Variants in OPCML observed in about 807,000 individuals in gnomAD.
OPCML encodes the protein opioid binding protein/cell adhesion molecule like.
A neutral mutation model predicts 37.8 loss-of-function variants in OPCML; 13 were observed. The observed-to-expected ratio is 0.34, with a 90% CI of 0.22 to 0.55. The LOEUF is 0.55. Among genes scored for constraint, OPCML ranks in the 20% least tolerant of loss-of-function variants. The pLI is 0.91. For synonymous variants in OPCML, 176 were observed against 168.8 expected (o/e 1.04, Z -0.33); for missense variants, 341 against 435.6 (o/e 0.78, Z 1.93).
chr11:132,917,232 C>A (rs1048691764), intron 2 of OPCML, among the ~76,000 whole-genome samples: 1 of 152,210 alleles, frequency 6.6e-6, no homozygotes, highest in Non-Finnish European at 1.5e-5. Context: ...TATAACTTGC[C>A]TGCTCACCCT....
intron 2 of OPCML, among the ~76,000 whole-genome samples, chr11:132,907,449 G>A (rs1040524951): frequency 6.6e-6 from 1 of 152,046 alleles, no homozygotes; most frequent in African/African-American, 2.4e-5. Flanking sequence ...TGGCCAACAT[G>A]GTGAAACCCC....
Position 132,732,597 on chromosome 11 carries a change from G to A in OPCML, c.147-75278C>T, listed in dbSNP as rs537873547. ...ATGAATTCTCAGGGAGGATGAAAGA[G>A]AACAGTGAGGAAAAAAGCTGGCACC... On this transcript the variant is annotated intron_variant, in intron 2 of 7. Coordinates refer to ENST00000524381, the MANE Select transcript of OPCML (RefSeq NM_001012393.5). Among the ~76,000 whole-genome samples, 7 of 152,264 alleles carry A rather than the reference G, an allele frequency of 4.6e-5. No individual in the cohort carries two copies. The South Asian group carries it at 1.0e-3, about 23-fold the overall frequency.
chr11:133,114,866 G>T (rs112433048), intron 1 of OPCML, among the ~76,000 whole-genome samples: 3 of 152,074 alleles, frequency 2.0e-5, no homozygotes, highest in African/African-American at 7.2e-5. Context: ...AAGAGATACC[G>T]AGAAAGAATA....
chr11:132,567,037 T>C (rs2096425104), intron 3 of OPCML, among the ~76,000 whole-genome samples: 1 of 150,864 alleles, frequency 6.6e-6, no homozygotes, highest in Admixed American at 6.6e-5. Context: ...ACTTTTAAAA[T>C]AAGGATATAG....
chr11:133,228,921 C>A (rs1940157295), intron 1 of OPCML, among the ~76,000 whole-genome samples: 1 of 152,198 alleles, frequency 6.6e-6, no homozygotes, highest in Non-Finnish European at 1.5e-5. Flanking sequence ...TTGTGGCAGA[C>A]TTTTTATGTG....
intron 1 of OPCML, among the ~76,000 whole-genome samples, chr11:133,304,899 C>A (rs950234202): frequency 6.6e-6 from 1 of 152,084 alleles, no homozygotes; most frequent in African/African-American, 2.4e-5. Flanking sequence ...AATTCATTCA[C>A]AACAATTTGC....
At chr11:133,181,276 G>A (rs1937817710) in intron 1 of OPCML, among the ~76,000 whole-genome samples, 1 of 147,366 alleles carries the variant, frequency 6.8e-6, no homozygotes, top group African/African-American at 2.5e-5. Context: ...GGAAAACCGG[G>A]CGAACCTGAT....
chr11:132,477,065 G>T (rs1030420085), intron 4 of OPCML, among the ~76,000 whole-genome samples: 7 of 152,038 alleles, frequency 4.6e-5, no homozygotes, highest in African/African-American at 1.7e-4. Flanking sequence ...TTAAACACTG[G>T]CAATAATACA....
At chr11:133,361,758 G>C (rs1029288819) in intron 1 of OPCML, 5 of 153,852 alleles carry the variant, frequency 3.2e-5, no homozygotes, top group Non-Finnish European at 5.8e-5. Context: ...CCGCTCCCAA[G>C]GGCTGGCAGT....
At position 133,208,498 on chromosome 11, in the gene OPCML, T is replaced by C. The variant is rs1466048122; in HGVS notation, c.62-265488A>G. ...TTTTTGCATGAATAGATTTGGATAA[T>C]AAAGTGCAATGAAGTATGTCAGTAG... On this transcript the variant is annotated intron_variant, in intron 1 of 7. Transcript: ENST00000524381. This position sits in a 1 kb window ranked among gnomAD's most constrained non-coding sequence, Gnocchi z 8.9. 6.6e-6 allele frequency among the ~76,000 whole-genome samples: 1 copy of C among 152,214 alleles called. No homozygotes were observed. Among genetic ancestry groups the C allele is most frequent in the African/African-American group, 2.4e-5 (1 of 41,456 alleles).
At chr11:133,057,450 G>A (rs12576515) in intron 1 of OPCML, among the ~76,000 whole-genome samples, 12 of 151,858 alleles carry the variant, frequency 7.9e-5, no homozygotes, top group African/African-American at 2.9e-4. Context: ...GTGCCTTGGA[G>A]ACTCTGCTGT....
chr11:132,427,082 C>T (rs1314153274), intron 7 of OPCML, among the ~76,000 whole-genome samples: 1 of 152,032 alleles, frequency 6.6e-6, no homozygotes, highest in Non-Finnish European at 1.5e-5. Context: ...CATCGATCTC[C>T]AGCAACCATA....
intron 1 of OPCML, among the ~76,000 whole-genome samples, chr11:133,296,225 T>G (rs1942625155): frequency 6.6e-6 from 1 of 152,164 alleles, no homozygotes. Context: ...ACGTTTTCAT[T>G]GATTTGGCAG....
intron 1 of OPCML, among the ~76,000 whole-genome samples, chr11:133,032,151 A>C (rs1306973194): frequency 6.6e-6 from 1 of 152,098 alleles, no homozygotes; most frequent in Non-Finnish European, 1.5e-5. Context: ...TTCCACATTC[A>C]CTGGGATCTG....
chr11:132,899,355 T>C (rs1358287529), intron 2 of OPCML, among the ~76,000 whole-genome samples: 1 of 152,152 alleles, frequency 6.6e-6, no homozygotes, highest in African/African-American at 2.4e-5. Context: ...TCATCTCTTA[T>C]CCCTTTATTA....
intron 1 of OPCML, among the ~76,000 whole-genome samples, chr11:133,318,277 T>C (rs1354136719): frequency 4.6e-5 from 7 of 152,220 alleles, no homozygotes; most frequent in African/African-American, 1.7e-4. Flanking sequence ...GTGCACTTCC[T>C]TGTAAAACAC....
At chr11:132,647,581 AG>A (rs576822671) in intron 3 of OPCML, among the ~76,000 whole-genome samples, 601 of 152,336 alleles carry the variant, frequency 3.9e-3, no homozygotes, top group African/African-American at 0.014. Context: ...AATGAGACTA[AG>A]TAAATAATAA....
chr11:133,258,745 T>A (rs1217994378), intron 1 of OPCML, among the ~76,000 whole-genome samples: 3 of 152,042 alleles, frequency 2.0e-5, no homozygotes, highest in Non-Finnish European at 4.4e-5. Context: ...ACACCCATGG[T>A]TCTGGAGATC....
At chr11:132,594,046 G>C (rs1357885313) in intron 3 of OPCML, among the ~76,000 whole-genome samples, 2 of 152,104 alleles carry the variant, frequency 1.3e-5, no homozygotes, top group African/African-American at 2.4e-5. Flanking sequence ...AAATAATAAA[G>C]AGAAAAACAA....
Sources: allele counts gnomAD v4.1 joint callset (sites outside exome capture counted in the v4.1 genomes callset), GRCh38; gene constraint gnomAD v4.1.1; non-coding constraint Gnocchi (gnomAD v3.1); transcripts MANE v1.5; gene names NCBI Gene and HGNC (gene_info 2026-07-23, HGNC 2026-07-21).